The following ALDH1L1 variants were observed in gnomAD, a reference collection of about 807,000 sequenced individuals.
The protein encoded by ALDH1L1 is cytosolic 10-formyltetrahydrofolate dehydrogenase.
Under a neutral mutation model 101.1 loss-of-function variants are expected in ALDH1L1, and 68 were observed. That is an observed-to-expected ratio of 0.67 (90% CI 0.55 to 0.82). The LOEUF (loss-of-function observed/expected upper bound fraction) is 0.82. Among genes scored for constraint, ALDH1L1 ranks in the 40% least tolerant of loss-of-function variants. The probability of loss-of-function intolerance (pLI) is 0.00; values close to 1 mark genes in which losing one functional copy is unlikely to be tolerated. For synonymous variants in ALDH1L1, 486 were observed against 470.8 expected, an observed-to-expected ratio of 1.03 and a Z score of -0.42; for missense variants, 1,087 against 1,172.7, an observed-to-expected ratio of 0.93 and a Z score of 1.07.
intron 8 of ALDH1L1, among the ~76,000 whole-genome samples, chr3:126,150,033 C>G (rs2108277944): frequency 6.6e-6 from 1 of 152,308 alleles, no homozygotes; most frequent in African/African-American, 2.4e-5. Context: ...TTGGTCACAG[C>G]CCGGGATGCT....
chr3:126,186,935 C>A (rs1348236244), intron 1 of ALDH1L1, among the ~76,000 whole-genome samples: 3 of 152,172 alleles, frequency 2.0e-5, no homozygotes, highest in Non-Finnish European at 4.4e-5. Flanking sequence ...GCACCAGCCG[C>A]CACCACCTGA....
chr3:126,168,661 T>C (rs190026432), intron 1 of ALDH1L1, among the ~76,000 whole-genome samples: 133 of 152,290 alleles, frequency 8.7e-4, no homozygotes, highest in African/African-American at 3.1e-3. Context: ...TTGTCTTTCC[T>C]AACCCCTGGC....
At chr3:126,105,634 G>T in intron 22 of ALDH1L1, 92 bp downstream of exon 22, 1 of 1,412,300 alleles carries the variant, frequency 7.1e-7, no homozygotes, top group Non-Finnish European at 1.0e-6. Context: ...CTACGTCCCT[G>T]CATCTGAGAT....
At chr3:126,131,297 T>C in intron 13 of ALDH1L1, 87 bp downstream of exon 13, 1 of 1,417,080 alleles carries the variant, frequency 7.1e-7, no homozygotes, top group East Asian at 2.5e-5. Context: ...CTGCGCAGCA[T>C]GCAGATGACT....
chr3:126,119,787 A>G (rs1407162924), intron 16 of ALDH1L1, among the ~76,000 whole-genome samples: 1 of 152,238 alleles, frequency 6.6e-6, no homozygotes, highest in Non-Finnish European at 1.5e-5. Flanking sequence ...CAACAATAAG[A>G]AAACAAACAA....
At chr3:126,150,757 A>G (rs1469377098) in intron 7 of ALDH1L1, 2 of 400,798 alleles carry the variant, frequency 5.0e-6, no homozygotes, top group Non-Finnish European at 9.1e-6. Context: ...ACGGGGTTTC[A>G]CCACATTGGT....
At chr3:126,118,162 C>A (rs1274654279) in intron 16 of ALDH1L1, 64 bp from the exon 17 acceptor site, 16 of 1,327,472 alleles carry the variant, frequency 1.2e-5, no homozygotes, top group Non-Finnish European at 1.7e-5. Context: ...CAGGAGCCCA[C>A]CTCCAGGACT....
chr3:126,196,348 T>A (rs1465391244), intron 1 of ALDH1L1, among the ~76,000 whole-genome samples: 1 of 151,632 alleles, frequency 6.6e-6, no homozygotes, highest in African/African-American at 2.4e-5. Flanking sequence ...ATCTATCCAT[T>A]TCCAATGCCT....
intron 4 of ALDH1L1, 71 bp from the exon 5 acceptor site, chr3:126,155,574 T>G: frequency 1.4e-6 from 2 of 1,409,206 alleles, no homozygotes; most frequent in Non-Finnish European, 1.9e-6. Flanking sequence ...AGGGCCCACA[T>G]TGAGCCTGGA....
intron 10 of ALDH1L1, 102 bp downstream of exon 10, chr3:126,137,711 G>T: frequency 6.7e-7 from 1 of 1,483,064 alleles, no homozygotes. Flanking sequence ...CTGGGGCCCT[G>T]GCTTTCTGAA....
chr3:126,180,043 G>A (rs537572784), intron 1 of ALDH1L1: 2 of 152,358 alleles, frequency 1.3e-5, no homozygotes, highest in East Asian at 1.9e-4. Flanking sequence ...GTCACAGAAT[G>A]GGGTCGAGGG....
chr3:126,155,264 C>T (rs1423685115), intron 5 of ALDH1L1, 138 bp downstream of exon 5: 2 of 673,614 alleles, frequency 3.0e-6, no homozygotes, highest in Non-Finnish European at 2.4e-6. Context: ...GCATCCCTGA[C>T]CTGGGCTGCC....
intron 1 of ALDH1L1, among the ~76,000 whole-genome samples, chr3:126,187,808 A>T (rs9879085): frequency 0.62 from 94,622 of 151,908 alleles, 29,544 homozygotes; most frequent in Middle Eastern, 0.67. Flanking sequence ...GGAGCAGTTG[A>T]ACCGGAGACT....
intron 16 of ALDH1L1, among the ~76,000 whole-genome samples, chr3:126,122,019 T>G (rs1355441182): frequency 6.6e-6 from 1 of 152,162 alleles, no homozygotes; most frequent in African/African-American, 2.4e-5. Context: ...CATGACTGTA[T>G]TCAAACTGCA....
chr3:126,117,644 C>G (rs761379381), intron 17 of ALDH1L1, among the ~76,000 whole-genome samples: 2 of 141,360 alleles, frequency 1.4e-5, no homozygotes, highest in African/African-American at 5.9e-5. Context: ...AGATCAAGAC[C>G]CTGTCTCAAA....
Position 126,160,862 on chromosome 3 carries a change from C to G in ALDH1L1, c.118G>C (p.Asp40His), listed in dbSNP as rs201748366. The G allele has an allele frequency of 6.2e-7, 1 of 1,613,856 alleles. No individual in the cohort carries two copies. Among genetic ancestry groups the G allele is most frequent in the South Asian group, 1.1e-5 (1 of 91,036 alleles). Residue 40 changes from aspartate (D) to histidine (H), a missense_variant, in exon 2 of 23, where the codon GAC becomes CAC. Asp to His is a moderately conservative substitution (Grantham distance 81). Around this residue, in one of 2 missense-constraint regions of ALDH1L1, gnomAD observed 645 missense variants for 637.0 expected, o/e 1.01. Coordinates refer to ENST00000393434, the MANE Select transcript of ALDH1L1 (RefSeq NM_012190.4). ...FTVPDKDGKADPLGLEAEKDG... is the reference protein window; with the variant it reads ...FTVPDKDGKAHPLGLEAEKDG... ...CCATTGGCTCACTCACCCAGGGGGT[C>G]GGCCTTTCCATCCTTGTCTGGAACA...
At position 126,110,124 on chromosome 3, in the gene ALDH1L1, C is replaced by T. The variant is rs757912175; in HGVS notation, c.2182-15G>A. On this transcript the variant is annotated splice_polypyrimidine_tract_variant and intron_variant, in intron 19 of 22. Coordinates refer to ENST00000393434, the MANE Select transcript of ALDH1L1 (RefSeq NM_012190.4). ...ACCTCTTCTACCTGCAGAAAGTCCTCCAAGTCAGGTGTGGCTTGTGCTGCC... is the reference window on the plus strand; with the variant it reads ...ACCTCTTCTACCTGCAGAAAGTCCTTCAAGTCAGGTGTGGCTTGTGCTGCC... The T allele has an allele frequency of 1.2e-6, 2 of 1,613,616 alleles. No individual in the cohort carries two copies. Among genetic ancestry groups the T allele is most frequent in the Non-Finnish European group, 1.7e-6 (2 of 1,179,742 alleles).
chr3:126,153,242 G>C (rs2080839447), intron 7 of ALDH1L1: 2 of 750,330 alleles, frequency 2.7e-6, no homozygotes, highest in Middle Eastern at 2.9e-4. Context: ...TCCCAGAACA[G>C]AGAAGTGGGT....
At chr3:126,197,184 T>C (rs1376722636) in intron 1 of ALDH1L1, among the ~76,000 whole-genome samples, 1 of 152,236 alleles carries the variant, frequency 6.6e-6, no homozygotes, top group Non-Finnish European at 1.5e-5. Context: ...TGTTGTTTAT[T>C]TGGAATGTAC....
Sources: gnomAD v4.1 joint callset for allele counts (sites outside exome capture counted in the v4.1 genomes callset) on GRCh38, gnomAD v4.1.1 for gene constraint, gnomAD v4.1.1 regional missense constraint, MANE v1.5 for transcripts, NCBI Gene and HGNC (gene_info 2026-07-23, HGNC 2026-07-21) for gene names.